Variants in TYW1 observed in about 807,000 individuals in gnomAD.
The protein encoded by TYW1 is tRNA-yW synthesizing protein 1 homolog.
In TYW1, 46 loss-of-function variants were observed where a neutral mutation model predicts 96.2. The ratio of observed to expected loss-of-function variants is 0.48; its 90% CI spans 0.38 to 0.61. The LOEUF (loss-of-function observed/expected upper bound fraction) is 0.61, where lower values mean the gene tolerates loss of function less well. Among genes scored for constraint, TYW1 ranks in the 20% least tolerant of loss-of-function variants. The pLI is 0.00. For synonymous variants in TYW1, 274 were observed against 323.0 expected (o/e 0.85, Z 1.63); for missense variants, 684 against 909.6 (o/e 0.75, Z 3.19).
intron 13 of TYW1, among the ~76,000 whole-genome samples, chr7:67,180,914 G>A (rs1799820718): frequency 6.6e-6 from 1 of 152,118 alleles, no homozygotes; most frequent in South Asian, 2.1e-4. Context: ...AAAGTGCTGG[G>A]ATTACAGGCG....
intron 13 of TYW1, among the ~76,000 whole-genome samples, chr7:67,158,858 A>C (rs1170466784): frequency 6.6e-6 from 1 of 152,232 alleles, no homozygotes; most frequent in Non-Finnish European, 1.5e-5. Flanking sequence ...GGCGTGAGCC[A>C]CTGCACCCGC....
Position 67,233,183 on chromosome 7 carries a change from G to A in TYW1, c.1978-5125G>A, listed in dbSNP as rs369300983. Among the ~76,000 whole-genome samples the A allele has an allele frequency of 5.6e-4, 65 of 116,524 alleles. 4 individuals are homozygous for A. In the East Asian group the frequency reaches 0.013, roughly 23 times the overall value. 76.4% of individuals were successfully genotyped at this position (116,524 alleles called of 152,430 possible). ...TCCAATACTGTTTTCTCCTCTCCTG[G>A]TAGCTTTATTTTTATGTTATATATC... is the stretch of plus-strand genomic sequence containing the variant. On this transcript the variant is annotated intron_variant, in intron 15 of 15. Coordinates refer to ENST00000359626, the MANE Select transcript of TYW1 (RefSeq NM_018264.4).
At chr7:67,036,095 C>G (rs779870059) in intron 7 of TYW1, among the ~76,000 whole-genome samples, 1 of 143,478 alleles carries the variant, frequency 7.0e-6, no homozygotes, top group Admixed American at 7.2e-5. Flanking sequence ...CGCGCTGCAT[C>G]GACAACTCAC....
chr7:67,227,400 G>A (rs182951297), intron 15 of TYW1, among the ~76,000 whole-genome samples: 1 of 152,176 alleles, frequency 6.6e-6, no homozygotes, highest in Non-Finnish European at 1.5e-5. Flanking sequence ...GGGATTACAG[G>A]CATGCACCAC....
intron 13 of TYW1, among the ~76,000 whole-genome samples, chr7:67,156,328 G>T (rs1414061959): frequency 6.6e-6 from 1 of 152,192 alleles, no homozygotes; most frequent in Admixed American, 6.5e-5. Flanking sequence ...GACAGTGGGC[G>T]GTGACAGGTG....
intron 11 of TYW1, 132 bp downstream of exon 11, chr7:67,083,671 T>C: frequency 1.0e-6 from 1 of 958,870 alleles, no homozygotes; most frequent in Non-Finnish European, 1.5e-6. Context: ...GAAAACTTTG[T>C]AGGAATATTA....
intron 13 of TYW1, among the ~76,000 whole-genome samples, chr7:67,124,495 T>G (rs1797860014): frequency 6.6e-6 from 1 of 152,090 alleles, no homozygotes; most frequent in African/African-American, 2.4e-5. Flanking sequence ...CCTCCCAAAA[T>G]GCTGGAATTA....
At chr7:67,046,657 A>T (rs553049406) in intron 7 of TYW1, among the ~76,000 whole-genome samples, 1 of 152,372 alleles carries the variant, frequency 6.6e-6, no homozygotes, top group East Asian at 1.9e-4. Context: ...GATTAGAGTT[A>T]GAATTTGAAT....
intron 13 of TYW1, among the ~76,000 whole-genome samples, chr7:67,141,747 C>T (rs755031207): frequency 2.0e-5 from 3 of 152,284 alleles, no homozygotes; most frequent in Admixed American, 6.5e-5. Flanking sequence ...TAAATGATAA[C>T]ACATGAGGCC....
intron 13 of TYW1, among the ~76,000 whole-genome samples, chr7:67,136,889 C>T (rs1798277651): frequency 1.3e-5 from 2 of 152,042 alleles, no homozygotes; most frequent in Admixed American, 1.3e-4. Flanking sequence ...GTGGCATAAT[C>T]TCGGCTCACC....
intron 15 of TYW1, among the ~76,000 whole-genome samples, chr7:67,230,079 G>A (rs1479019270): frequency 2.0e-5 from 3 of 149,986 alleles, no homozygotes; most frequent in African/African-American, 5.0e-5. Flanking sequence ...TAATGGCCAC[G>A]GTCTCTTTAA....
At chr7:67,019,373 T>A (rs1794150369) in intron 6 of TYW1, among the ~76,000 whole-genome samples, 1 of 109,338 alleles carries the variant, frequency 9.1e-6, no homozygotes, top group African/African-American at 3.1e-5. Context: ...TTTTTGTATT[T>A]TTTTAATAGA....
chr7:67,013,395 T>G (rs1185510411), intron 4 of TYW1, among the ~76,000 whole-genome samples: 2 of 152,120 alleles, frequency 1.3e-5, no homozygotes, highest in African/African-American at 2.4e-5. Flanking sequence ...AGTCCTGGGA[T>G]TACAGGTATG....
In TYW1 at chr7:66,998,828, A is replaced by G; in HGVS notation, c.147A>G (p.Leu49=). 1 of 1,614,118 alleles carries G rather than the reference A, an allele frequency of 6.2e-7. No individual in the cohort carries two copies. Among genetic ancestry groups the G allele is most frequent in the Non-Finnish European group, 8.5e-7 (1 of 1,180,014 alleles). ...QIVIKTQGKN[L]QEKSVPKAAQ... ...TATTTGTCTTCAAGGGCAAGAACTTACAGGAAAAATCTGTTCCAAAAGCAG... is the reference window on the plus strand; with the variant it reads ...TATTTGTCTTCAAGGGCAAGAACTTGCAGGAAAAATCTGTTCCAAAAGCAG... Residue 49 remains leucine (L), a synonymous_variant, in exon 3 of 16, where the codon TTA becomes TTG. Transcript: ENST00000359626.
intron 14 of TYW1, among the ~76,000 whole-genome samples, chr7:67,190,222 A>AGTTTTTCTG (rs1327495323): frequency 6.6e-6 from 1 of 152,250 alleles, no homozygotes; most frequent in African/African-American, 2.4e-5. Context: ...TCTTGTATGT[A>AGTTTTTCTG]GCAGTCCCTA....
At chr7:67,112,742 T>C (rs1193735310) in intron 12 of TYW1, among the ~76,000 whole-genome samples, 1 of 152,202 alleles carries the variant, frequency 6.6e-6, no homozygotes, top group African/African-American at 2.4e-5. Context: ...TAGAGCTTTT[T>C]GGATTTTTAA....
At chr7:67,101,819 A>G (rs2115878340) in intron 12 of TYW1, among the ~76,000 whole-genome samples, 1 of 152,156 alleles carries the variant, frequency 6.6e-6, no homozygotes, top group East Asian at 1.9e-4. Flanking sequence ...GTCATAGGAA[A>G]TCGAAGAGTT....
intron 7 of TYW1, among the ~76,000 whole-genome samples, chr7:67,038,020 GC>G (rs201462713): frequency 0.013 from 2,056 of 152,312 alleles, 24 homozygotes; most frequent in Non-Finnish European, 0.022. Flanking sequence ...AAATGCTCGG[GC>G]CGAGCTTGGT....
chr7:67,090,715 TGA>T (rs1796688243), intron 11 of TYW1, among the ~76,000 whole-genome samples: 1 of 152,206 alleles, frequency 6.6e-6, no homozygotes, highest in African/African-American at 2.4e-5. Flanking sequence ...TGTGTGTGTG[TGA>T]GTGTCAGATA....
Sources: gnomAD v4.1 joint callset for allele counts (sites outside exome capture counted in the v4.1 genomes callset) on GRCh38, gnomAD v4.1.1 for gene constraint, MANE v1.5 for transcripts, NCBI Gene and HGNC (gene_info 2026-07-23, HGNC 2026-07-21) for gene names.